GRM7: variants seen among roughly 807,000 people sequenced by gnomAD.
GRM7 encodes the protein glutamate metabotropic receptor 7, also known as metabotropic glutamate receptor 7.
GRM7 carries 35 observed loss-of-function variants against 84.5 expected under a neutral mutation model. The observed-to-expected ratio is 0.41, with a 90% CI of 0.32 to 0.55. The LOEUF is 0.55. Among genes scored for constraint, GRM7 ranks in the 20% least tolerant of loss-of-function variants. The pLI is 0.19. For missense variants in GRM7, 1,003 were observed against 1,194.6 expected (o/e 0.84, Z 2.36); for synonymous variants, 487 against 455.1 (o/e 1.07, Z -0.89).
chr3:6,920,490 G>A (rs1451809852), intron 1 of GRM7, among the ~76,000 whole-genome samples: 2 of 151,724 alleles, frequency 1.3e-5, no homozygotes, highest in African/African-American at 4.9e-5. Context: ...GGGAGGTGGA[G>A]GCTGCATGAG....
At position 7,298,817 on chromosome 3, in the gene GRM7, G is replaced by A. The variant is rs1269223202; in HGVS notation, c.870G>A (p.Glu290=). The A allele has an allele frequency of 6.2e-7, 1 of 1,613,372 alleles. No individual in the cohort carries two copies. Among genetic ancestry groups the A allele is most frequent in the South Asian group, 1.1e-5 (1 of 91,048 alleles). Residue 290 remains glutamate, a synonymous_variant, in exon 3 of 10, where the codon GAG becomes GAA. Transcript: ENST00000357716. Reference sequence around the variant, plus strand: ...CCGTCGTGATTTTTGCCAACGATGAGGATATAAAGTAAGAATAACTGGTGA... The same window carrying A: ...CCGTCGTGATTTTTGCCAACGATGAAGATATAAAGTAAGAATAACTGGTGA... ...SRAVVIFAND[E]DIKQILAAAK...
At chr3:7,471,950 G>T (rs1201475591) in intron 7 of GRM7, among the ~76,000 whole-genome samples, 1 of 152,196 alleles carries the variant, frequency 6.6e-6, no homozygotes. Context: ...CAGTGTGGTG[G>T]TGTTGGGAGG....
intron 7 of GRM7, among the ~76,000 whole-genome samples, chr3:7,508,721 A>G (rs1700108396): frequency 6.6e-6 from 1 of 152,186 alleles, no homozygotes; most frequent in South Asian, 2.1e-4. Flanking sequence ...AAATTAAGGA[A>G]GATGAAATAA....
intron 1 of GRM7, among the ~76,000 whole-genome samples, chr3:7,095,495 T>C (rs79350345): frequency 1.5e-3 from 228 of 152,276 alleles, no homozygotes; most frequent in African/African-American, 5.1e-3. Context: ...TAAAAACCCA[T>C]TGACATTGAG....
At chr3:7,405,670 T>G (rs1337365211) in intron 4 of GRM7, among the ~76,000 whole-genome samples, 2 of 152,192 alleles carry the variant, frequency 1.3e-5, no homozygotes. Context: ...TTTTACTATT[T>G]GCAAAAGACT....
In GRM7 at chr3:6,971,364, A is replaced by T. The variant is rs577581544; in HGVS notation, c.519+109457A>T. 2.0e-5 allele frequency among the ~76,000 whole-genome samples: 3 copies of T among 152,296 alleles called. No homozygotes were observed. In the South Asian group the frequency reaches 6.2e-4, roughly 32 times the overall value. On this transcript the variant is annotated intron_variant, in intron 1 of 9. Transcript: ENST00000357716. ...TAGAAATGTTGCAAGTACAGTCCGAAGAACTTTTCTTCCTGAACAATTTCC... is the reference window on the plus strand; with the variant it reads ...TAGAAATGTTGCAAGTACAGTCCGATGAACTTTTCTTCCTGAACAATTTCC...
At chr3:7,320,393 G>T (rs1700732927) in intron 4 of GRM7, among the ~76,000 whole-genome samples, 1 of 152,018 alleles carries the variant, frequency 6.6e-6, no homozygotes, top group Non-Finnish European at 1.5e-5. Context: ...GACAGTTGTG[G>T]AGAAGTATGA....
At chr3:7,534,365 A>G (rs1218882480) in intron 7 of GRM7, among the ~76,000 whole-genome samples, 1 of 152,162 alleles carries the variant, frequency 6.6e-6, no homozygotes. Context: ...TTACAACCAC[A>G]TTTTGAGATA....
intron 9 of GRM7, among the ~76,000 whole-genome samples, chr3:7,696,778 GA>G (rs1701035949): frequency 6.6e-6 from 1 of 152,222 alleles, no homozygotes; most frequent in African/African-American, 2.4e-5. Flanking sequence ...GCAAAGGACT[GA>G]AGATGGCTAT....
At chr3:7,674,472 G>A (rs536583211) in intron 8 of GRM7, among the ~76,000 whole-genome samples, 2 of 152,284 alleles carry the variant, frequency 1.3e-5, no homozygotes, top group South Asian at 2.1e-4. Flanking sequence ...GATTACAGGA[G>A]TGAGCTACAG....
intron 5 of GRM7, among the ~76,000 whole-genome samples, chr3:7,427,949 T>C (rs967370110): frequency 6.6e-6 from 1 of 152,130 alleles, no homozygotes; most frequent in African/African-American, 2.4e-5. Context: ...ACCTTATGTT[T>C]CTTTTTGTTT....
chr3:6,955,984 A>G (rs1489888320), intron 1 of GRM7, among the ~76,000 whole-genome samples: 2 of 152,214 alleles, frequency 1.3e-5, no homozygotes, highest in African/African-American at 4.8e-5. Context: ...CACAAAGGAG[A>G]GAAATATTAA....
chr3:7,059,834 G>T (rs1396273398), intron 1 of GRM7, among the ~76,000 whole-genome samples: 1 of 151,694 alleles, frequency 6.6e-6, no homozygotes, highest in East Asian at 1.9e-4. Flanking sequence ...CAAAACATTG[G>T]TCTTCTCCAG....
At chr3:7,612,335 T>A (rs1455263109) in intron 8 of GRM7, among the ~76,000 whole-genome samples, 1 of 152,140 alleles carries the variant, frequency 6.6e-6, no homozygotes, top group Non-Finnish European at 1.5e-5. Context: ...TGAGATGTCA[T>A]AAAGTGCTTA....
At position 7,438,509 on chromosome 3, in the gene GRM7, G is replaced by A. The variant is rs999367505; in HGVS notation, c.1175-14098G>A. Among the ~76,000 whole-genome samples, 14 of 152,118 alleles carry A rather than the reference G, an allele frequency of 9.2e-5. No individual in the cohort carries two copies. The South Asian group carries it at 1.5e-3, about 16-fold the overall frequency. On this transcript the variant is annotated intron_variant, in intron 5 of 9. Coordinates refer to ENST00000357716, the MANE Select transcript of GRM7 (RefSeq NM_000844.4). The stretch of plus-strand genomic sequence containing the variant: ...GATGATGTCCAAAAGTGCCAGAAGA[G>A]TTTCTTAAGGCAGTGAAGGACAGTG...
At chr3:7,073,075 C>G (rs1370079307) in intron 1 of GRM7, among the ~76,000 whole-genome samples, 1 of 152,018 alleles carries the variant, frequency 6.6e-6, no homozygotes, top group African/African-American at 2.4e-5. Context: ...TCATGTGATA[C>G]CAGGGCTTCA....
chr3:7,714,883 G>C (rs934271394), intron 9 of GRM7, among the ~76,000 whole-genome samples: 2 of 152,150 alleles, frequency 1.3e-5, no homozygotes, highest in South Asian at 4.1e-4. Flanking sequence ...AAGGTTTGCA[G>C]GTGCAAAATG....
intron 4 of GRM7, among the ~76,000 whole-genome samples, chr3:7,313,693 T>C (rs1318826142): frequency 6.6e-6 from 1 of 152,176 alleles, no homozygotes. Flanking sequence ...ACCTTTGCTA[T>C]TAATATATAT....
intron 8 of GRM7, among the ~76,000 whole-genome samples, chr3:7,621,580 A>G (rs1426231948): frequency 6.6e-6 from 1 of 152,148 alleles, no homozygotes; most frequent in Non-Finnish European, 1.5e-5. Flanking sequence ...TTTCTTACCC[A>G]TATCCAGTTA....
Sources: allele counts gnomAD v4.1 joint callset (sites outside exome capture counted in the v4.1 genomes callset), GRCh38; gene constraint gnomAD v4.1.1; transcripts MANE v1.5; gene names NCBI Gene and HGNC (gene_info 2026-07-23, HGNC 2026-07-21).